Variants in USP39 observed in about 807,000 individuals in gnomAD.
The protein encoded by USP39 is ubiquitin specific peptidase 39, also known as ubiquitin carboxyl-terminal hydrolase 39.
A neutral mutation model predicts 66.4 loss-of-function variants in USP39; 38 were observed. That is an observed-to-expected ratio of 0.57 (90% CI 0.44 to 0.75). The LOEUF is 0.75. Ranked by LOEUF, USP39 falls within the 30% of genes least tolerant of loss-of-function variation. The probability of loss-of-function intolerance (pLI) is 0.00; values close to 1 mark genes in which losing one functional copy is unlikely to be tolerated. For missense variants in USP39, 608 were observed against 714.4 expected (o/e 0.85, Z 1.70); for synonymous variants, 303 against 274.6 (o/e 1.10, Z -1.02).
chr2:85,609,522 G>GT, upstream of USP39: 1 of 1,614,202 alleles, frequency 6.2e-7, no homozygotes, highest in Non-Finnish European at 8.5e-7. Context: ...CCAGCTCAGA[G>GT]CCTCCACTAC....
In USP39 at chr2:85,645,064, G is replaced by C. The variant is rs749981625; in HGVS notation, c.1544G>C (p.Arg515Pro). The C allele has an allele frequency of 1.2e-6, 2 of 1,614,082 alleles. No individual in the cohort carries two copies. Among genetic ancestry groups the C allele is most frequent in the Non-Finnish European group, 1.7e-6 (2 of 1,180,008 alleles). Residue 515 changes from arginine to proline, a missense_variant, in exon 11 of 13, where the codon CGG (arginine) becomes CCG (proline). By Grantham distance (103) the Arg-to-Pro change is moderately radical. This residue lies in a region of USP39 where 164 missense variants were observed against 250.3 expected (regional missense o/e 0.66). Coordinates refer to ENST00000323701, the MANE Select transcript of USP39 (RefSeq NM_006590.4). ...HDGKPSEGSY[R>P]IHVLHHGTGK... ...GGCAAGCCCTCCGAGGGCTCCTACC[G>C]GATCCACGTGCTTCATCATGTGAGT...
intron 1 of USP39, among the ~76,000 whole-genome samples, chr2:85,605,036 G>A (rs1247985909): frequency 6.6e-6 from 1 of 152,206 alleles, no homozygotes; most frequent in Non-Finnish European, 1.5e-5. Context: ...TATCATGTAA[G>A]AAGTAGGACC....
chr2:85,647,809 G>C (rs1392544898), intron 11 of USP39, 121 bp from the exon 12 acceptor site: 6 of 779,202 alleles, frequency 7.7e-6, no homozygotes, highest in Non-Finnish European at 1.3e-5. Context: ...CTTTATGACT[G>C]TTGCTGGATG....
intron 5 of USP39, among the ~76,000 whole-genome samples, chr2:85,626,721 T>C (rs867080441): frequency 4.9e-4 from 70 of 141,804 alleles, no homozygotes; most frequent in Middle Eastern, 3.7e-3. Context: ...TCCTATTTTC[T>C]TTTTTTTTTT....
intron 3 of USP39, 104 bp from the exon 4 acceptor site, chr2:85,623,542 G>T: frequency 7.1e-7 from 1 of 1,405,794 alleles, no homozygotes; most frequent in Admixed American, 2.7e-5. Context: ...TGTTTTTTGC[G>T]GATATTAACA....
Position 85,637,436 on chromosome 2 carries a change from G to A in USP39, c.1095G>A (p.Leu365=). Residue 365 remains leucine (L), a splice_region_variant and synonymous_variant, in exon 8 of 13, where the codon CTG becomes CTA. Transcript: ENST00000323701. ...IFTKKLPHPD[L]PAEEKEQLLH... Reference sequence around the variant, plus strand: ...CTAAAAAGCTTCCCCATCCTGATCTGGTGAGTTAATTGAGCCTGGGTCTTG... The same window carrying A: ...CTAAAAAGCTTCCCCATCCTGATCTAGTGAGTTAATTGAGCCTGGGTCTTG... 6.2e-7 allele frequency: 1 copy of A among 1,614,064 alleles called. No homozygotes were observed. The highest frequency in any genetic ancestry group is 8.5e-7 in the Non-Finnish European group (1 of 1,179,978).
chr2:85,617,880 T>C (rs909433500), intron 1 of USP39, among the ~76,000 whole-genome samples: 3 of 152,160 alleles, frequency 2.0e-5, no homozygotes, highest in African/African-American at 7.2e-5. Flanking sequence ...GCTAACTTGT[T>C]AGCTTGCGAG....
In USP39 at chr2:85,641,091, A is replaced by C. The variant is rs1437634529; in HGVS notation, c.1400A>C (p.Asn467Thr). ...AAGAACAACTTCTTTGTTGAGAAGA[A>C]TCCAACTATTGTCAATTTCCCTATT... The part of the protein sequence containing the change: ...FTKNNFFVEK[N>T]PTIVNFPITN... Residue 467 changes from asparagine (N) to threonine (T), a missense_variant, in exon 10 of 13, where the codon AAT becomes ACT. Coordinates refer to ENST00000323701, the MANE Select transcript of USP39 (RefSeq NM_006590.4). 1 of 1,613,264 alleles carries C rather than the reference A, an allele frequency of 6.2e-7. No individual in the cohort carries two copies. The highest frequency in any genetic ancestry group is 1.1e-5 in the South Asian group (1 of 90,802).
At chr2:85,619,077 CT>C (rs1055332024) in intron 1 of USP39, 142 bp from the exon 2 acceptor site, 27 of 953,764 alleles carry the variant, frequency 2.8e-5, no homozygotes, top group Middle Eastern at 2.2e-4. Flanking sequence ...GGCTAGTGGA[CT>C]TTTTTTTCGA....
intron 1 of USP39, among the ~76,000 whole-genome samples, chr2:85,605,529 T>C (rs1270763323): frequency 6.6e-6 from 1 of 152,234 alleles, no homozygotes; most frequent in Non-Finnish European, 1.5e-5. Flanking sequence ...TATGGCTGTA[T>C]GACCATCTGA....
At chr2:85,617,365 T>C (rs1166794474) in intron 1 of USP39, among the ~76,000 whole-genome samples, 1 of 152,238 alleles carries the variant, frequency 6.6e-6, no homozygotes, top group Non-Finnish European at 1.5e-5. Flanking sequence ...CTTTTTAAGC[T>C]GAATAAAGTC....
chr2:85,644,797 A>G (rs1202330860), intron 10 of USP39, 151 bp from the exon 11 acceptor site: 5 of 897,300 alleles, frequency 5.6e-6, no homozygotes, highest in Middle Eastern at 3.2e-4. Context: ...GTGAATTCCA[A>G]CGCACCTGGA....
intron 5 of USP39, among the ~76,000 whole-genome samples, chr2:85,627,664 G>A (rs1437065534): frequency 6.6e-6 from 1 of 151,852 alleles, no homozygotes; most frequent in Non-Finnish European, 1.5e-5. Flanking sequence ...GCACAGTGGT[G>A]CATGCATGCC....
chr2:85,611,352 T>A, upstream of USP39: 2 of 1,442,318 alleles, frequency 1.4e-6, no homozygotes, highest in Non-Finnish European at 9.1e-7. Context: ...TGGTCGCTCA[T>A]CGCTGTGCCA....
chr2:85,616,510 C>T (rs1673967917), intron 1 of USP39, 47 bp downstream of exon 1: 2 of 1,114,618 alleles, frequency 1.8e-6, no homozygotes, highest in Non-Finnish European at 2.2e-6. Context: ...GTTTTTTTCG[C>T]GTCCTTTTTT....
upstream of USP39, chr2:85,611,841 G>C (rs1446783761): frequency 6.2e-7 from 1 of 1,603,002 alleles, no homozygotes; most frequent in Non-Finnish European, 8.5e-7. Flanking sequence ...GGCCAGGCCA[G>C]GAGTGGTGGC....
intron 2 of USP39, 34 bp from the exon 3 acceptor site, chr2:85,621,451 A>C: frequency 6.3e-7 from 1 of 1,596,046 alleles, no homozygotes; most frequent in Non-Finnish European, 8.6e-7. Context: ...CTACATGTCC[A>C]TCCTATTTAT....
intron 8 of USP39, among the ~76,000 whole-genome samples, chr2:85,638,614 C>T (rs1675982320): frequency 6.6e-6 from 1 of 152,120 alleles, no homozygotes; most frequent in Non-Finnish European, 1.5e-5. Flanking sequence ...TCTCGGCTCA[C>T]CGCAACCTCC....
intron 4 of USP39, among the ~76,000 whole-genome samples, 181 bp from the exon 5 acceptor site, chr2:85,625,358 G>A (rs1340334100): frequency 6.6e-6 from 1 of 152,212 alleles, no homozygotes; most frequent in Non-Finnish European, 1.5e-5. Context: ...TTGTAGATTA[G>A]CCATGGGAGA....
Sources: allele counts gnomAD v4.1 joint callset (sites outside exome capture counted in the v4.1 genomes callset), GRCh38; gene constraint gnomAD v4.1.1; regional missense constraint gnomAD v4.1.1; transcripts MANE v1.5; gene names NCBI Gene and HGNC (gene_info 2026-07-23, HGNC 2026-07-21).